ABLIM1: variants seen among roughly 807,000 people sequenced by gnomAD.
The protein encoded by ABLIM1 is actin binding LIM protein 1, also known as actin-binding LIM protein 1.
ABLIM1 carries 40 observed loss-of-function variants against 107.0 expected under a neutral mutation model. The observed-to-expected ratio is 0.37, with a 90% confidence interval of 0.29 to 0.49. The LOEUF (loss-of-function observed/expected upper bound fraction) is 0.49, where lower values mean the gene tolerates loss of function less well. Ranked by LOEUF, ABLIM1 falls within the 20% of genes least tolerant of loss-of-function variation. The pLI, the probability that ABLIM1 is intolerant of heterozygous loss-of-function variation, is 0.97. For synonymous variants in ABLIM1, 357 were observed against 357.3 expected (o/e 1.00, Z 0.01); for missense variants, 857 against 1,008.5 (o/e 0.85, Z 2.04).
At chr10:114,494,597 A>G (rs1011285988) in intron 6 of ABLIM1, among the ~76,000 whole-genome samples, 2 of 152,212 alleles carry the variant, frequency 1.3e-5, no homozygotes, top group African/African-American at 4.8e-5. Context: ...ACCCCAATAA[A>G]GAAGTACTTA....
intron 6 of ABLIM1, among the ~76,000 whole-genome samples, chr10:114,533,642 G>T (rs1339999164): frequency 2.6e-5 from 4 of 152,102 alleles, no homozygotes; most frequent in African/African-American, 9.7e-5. Context: ...TTAATACTGT[G>T]GGTCCAAAAT....
chr10:114,579,583 T>C (rs914499885), intron 2 of ABLIM1, among the ~76,000 whole-genome samples: 1 of 152,240 alleles, frequency 6.6e-6, no homozygotes, highest in Non-Finnish European at 1.5e-5. Flanking sequence ...TTTTTAATTG[T>C]GACAAAATGC....
chr10:114,639,779 A>C (rs1256080805), intron 1 of ABLIM1, among the ~76,000 whole-genome samples: 1 of 152,236 alleles, frequency 6.6e-6, no homozygotes, highest in Non-Finnish European at 1.5e-5. Flanking sequence ...GTCTGATGGG[A>C]GAGCGGAGCA....
At chr10:114,506,663 A>G (rs2061195609) in intron 6 of ABLIM1, among the ~76,000 whole-genome samples, 1 of 152,166 alleles carries the variant, frequency 6.6e-6, no homozygotes, top group African/African-American at 2.4e-5. Context: ...GCTTCTTTTG[A>G]GAAGTATCTG....
chr10:114,535,231 T>C (rs1226388631), intron 6 of ABLIM1, among the ~76,000 whole-genome samples: 1 of 152,188 alleles, frequency 6.6e-6, no homozygotes, highest in Non-Finnish European at 1.5e-5. Flanking sequence ...ATCAAGGCCA[T>C]GTCCTGTGCA....
chr10:114,795,021 A>G, the ABLIM1 span, among the ~76,000 whole-genome samples: 1 of 152,340 alleles, frequency 6.6e-6, no homozygotes, highest in South Asian at 2.1e-4. Context: ...AAAAAACTCC[A>G]TGTTCTAATG....
intron 6 of ABLIM1, among the ~76,000 whole-genome samples, chr10:114,532,880 G>C (rs1400958502): frequency 6.6e-6 from 1 of 152,164 alleles, no homozygotes; most frequent in East Asian, 1.9e-4. Flanking sequence ...CTTGGGTGTA[G>C]AGACCCACTT....
At chr10:114,769,044 TG>T (rs1566323140), upstream of ABLIM1, among the ~76,000 whole-genome samples, 1 of 151,506 alleles carries the variant, frequency 6.6e-6, no homozygotes, top group Non-Finnish European at 1.5e-5. Flanking sequence ...TCAAAACAGA[TG>T]TTCTATGGCC....
At chr10:114,718,100 A>AGG (rs2081739357) in intron 1 of ABLIM1, among the ~76,000 whole-genome samples, 1 of 119,968 alleles carries the variant, frequency 8.3e-6, no homozygotes, top group Non-Finnish European at 1.8e-5. Flanking sequence ...GAAGGAAAAG[A>AGG]AAAAGAAAAA....
chr10:114,553,807 G>T (rs2068380929), intron 4 of ABLIM1, among the ~76,000 whole-genome samples: 1 of 152,222 alleles, frequency 6.6e-6, no homozygotes, highest in Non-Finnish European at 1.5e-5. Context: ...ACCCTTGATG[G>T]TAGGTGAATG....
chr10:114,491,012 G>GTGTGTGTGTGTATATATATA lies in ABLIM1; in HGVS notation c.982+778_982+779insTATATATATACACACACACA. On this transcript the variant is annotated intron_variant, in intron 7 of 22. Coordinates refer to ENST00000533213, the MANE Select transcript of ABLIM1 (RefSeq NM_002313.7). ...TGTGTGTGTGTGTGTGTGTGTGTGT[G>GTGTGTGTGTGTATATATATA]TATATATATATATGGTCTATTTTAT... Among the ~76,000 whole-genome samples, 250 of 92,338 alleles carry GTGTGTGTGTGTATATATATA rather than the reference G, an allele frequency of 2.7e-3. 2 individuals carry two copies. Among genetic ancestry groups the GTGTGTGTGTGTATATATATA allele is most frequent in the African/African-American group, 6.8e-3 (148 of 21,680 alleles). 60.6% of individuals were successfully genotyped at this position (92,338 alleles called of 152,430 possible).
chr10:114,549,204 G>T (rs1191159927), intron 4 of ABLIM1, among the ~76,000 whole-genome samples: 1 of 152,148 alleles, frequency 6.6e-6, no homozygotes, highest in Non-Finnish European at 1.5e-5. Context: ...GACTAATGTG[G>T]TGAAACCCTG....
intron 7 of ABLIM1, among the ~76,000 whole-genome samples, chr10:114,488,938 T>C (rs767428013): frequency 6.6e-6 from 1 of 152,232 alleles, no homozygotes; most frequent in South Asian, 2.1e-4. Flanking sequence ...AAAGTTACTA[T>C]GTTGAAAGCA....
chr10:114,604,673 T>C (rs771952426), intron 1 of ABLIM1, among the ~76,000 whole-genome samples: 4 of 152,366 alleles, frequency 2.6e-5, no homozygotes, highest in Admixed American at 6.5e-5. Context: ...ACGCCAGCTA[T>C]GGAGAAGAGC....
At chr10:114,539,560 C>T (rs1365514126) in intron 6 of ABLIM1, among the ~76,000 whole-genome samples, 2 of 152,192 alleles carry the variant, frequency 1.3e-5, no homozygotes, top group Non-Finnish European at 2.9e-5. Flanking sequence ...AGATATGAGA[C>T]TAACCCCCTT....
At chr10:114,509,488 T>C (rs1223611123) in intron 6 of ABLIM1, among the ~76,000 whole-genome samples, 6 of 152,228 alleles carry the variant, frequency 3.9e-5, no homozygotes, top group African/African-American at 1.2e-4. Context: ...GGGCCTCACT[T>C]GGACCACAAG....
intron 6 of ABLIM1, among the ~76,000 whole-genome samples, chr10:114,529,864 TA>T (rs1350227691): frequency 6.6e-6 from 1 of 152,032 alleles, no homozygotes; most frequent in Non-Finnish European, 1.5e-5. Flanking sequence ...CTGTCTCTAC[TA>T]AAAATACAAA....
intron 1 of ABLIM1, among the ~76,000 whole-genome samples, chr10:114,665,104 G>A (rs996852727): frequency 3.2e-5 from 4 of 125,844 alleles, no homozygotes; most frequent in South Asian, 6.0e-4. Flanking sequence ...GCGAAAGAGC[G>A]AGACTCCGTC....
At chr10:114,701,512 C>G (rs1243974640) in intron 1 of ABLIM1, among the ~76,000 whole-genome samples, 1 of 152,002 alleles carries the variant, frequency 6.6e-6, no homozygotes, top group Non-Finnish European at 1.5e-5. Context: ...CTATAAACAA[C>G]AAGAATGTCC....
Sources: gnomAD v4.1 joint callset for allele counts (sites outside exome capture counted in the v4.1 genomes callset) on GRCh38, gnomAD v4.1.1 for gene constraint, MANE v1.5 for transcripts, NCBI Gene and HGNC (gene_info 2026-07-23, HGNC 2026-07-21) for gene names.